The following PARD3 variants were observed in gnomAD, a reference collection of about 807,000 sequenced individuals.
The protein encoded by PARD3 is partitioning defective 3 homolog.
PARD3 carries 75 observed loss-of-function variants against 155.4 expected under a neutral mutation model. That is an observed-to-expected ratio of 0.48 (90% CI 0.40 to 0.58). The LOEUF is 0.58. Among genes scored for constraint, PARD3 ranks in the 20% least tolerant of loss-of-function variants. The probability of loss-of-function intolerance (pLI) is 0.00; values close to 1 mark genes in which losing one functional copy is unlikely to be tolerated. For missense variants in PARD3, 1,642 were observed against 1,721.7 expected (o/e 0.95, Z 0.82); for synonymous variants, 576 against 610.5 (o/e 0.94, Z 0.83).
intron 22 of PARD3, among the ~76,000 whole-genome samples, chr10:34,146,967 G>GT (rs1948540364): frequency 6.6e-6 from 1 of 152,158 alleles, no homozygotes; most frequent in African/African-American, 2.4e-5. Flanking sequence ...GAAGAACCGA[G>GT]TGGTAAGCTG....
At chr10:34,236,670 C>T (rs930143014) in intron 22 of PARD3, among the ~76,000 whole-genome samples, 10 of 152,248 alleles carry the variant, frequency 6.6e-5, no homozygotes, top group Admixed American at 2.0e-4. Context: ...GTACTCAAGA[C>T]GGAAAACGTT....
At chr10:34,528,553 G>GT (rs767034544) in intron 2 of PARD3, among the ~76,000 whole-genome samples, 18 of 152,126 alleles carry the variant, frequency 1.2e-4, no homozygotes, top group Admixed American at 1.3e-4. Context: ...GTTTTGTTTT[G>GT]TTTTTTCCCC....
chr10:34,285,677 G>C (rs569017620), intron 20 of PARD3, among the ~76,000 whole-genome samples: 1 of 152,052 alleles, frequency 6.6e-6, no homozygotes, highest in South Asian at 2.1e-4. Flanking sequence ...TGATAGCATT[G>C]ATTTTTTTAT....
At chr10:34,526,186 C>A (rs1225198579) in intron 2 of PARD3, among the ~76,000 whole-genome samples, 1 of 151,102 alleles carries the variant, frequency 6.6e-6, no homozygotes, top group Non-Finnish European at 1.5e-5. Context: ...GACACACACA[C>A]AGCCTCTCTA....
At chr10:34,311,892 C>T (rs138799344) in intron 20 of PARD3, among the ~76,000 whole-genome samples, 195 of 152,304 alleles carry the variant, frequency 1.3e-3, no homozygotes, top group Non-Finnish European at 2.1e-3. Flanking sequence ...TACCAGCCCA[C>T]ACACCTCTTT....
chr10:34,803,246 T>TAAAC (rs1842994140), intron 1 of PARD3, among the ~76,000 whole-genome samples: 1 of 48,228 alleles, frequency 2.1e-5, no homozygotes, highest in Admixed American at 1.7e-4. Flanking sequence ...CTCAAAAAAA[T>TAAAC]AAATAATAAC....
intron 4 of PARD3, among the ~76,000 whole-genome samples, chr10:34,455,197 C>T (rs766237994): frequency 1.3e-5 from 2 of 151,740 alleles, no homozygotes; most frequent in Non-Finnish European, 2.9e-5. Flanking sequence ...CGTTTCAGTG[C>T]AAAAATCTCA....
At chr10:34,773,262 T>C (rs1327248521) in intron 1 of PARD3, among the ~76,000 whole-genome samples, 1 of 152,224 alleles carries the variant, frequency 6.6e-6, no homozygotes, top group African/African-American at 2.4e-5. Context: ...TTCTCATCAG[T>C]GTTCATTTAA....
At chr10:34,255,770 A>T (rs1954621664) in intron 22 of PARD3, among the ~76,000 whole-genome samples, 1 of 152,236 alleles carries the variant, frequency 6.6e-6, no homozygotes, top group Admixed American at 6.5e-5. Context: ...GTCAACATGA[A>T]ACTAAAGCAG....
At chr10:34,807,005 G>A (rs949484230) in intron 1 of PARD3, among the ~76,000 whole-genome samples, 4 of 152,310 alleles carry the variant, frequency 2.6e-5, no homozygotes, top group South Asian at 2.1e-4. Flanking sequence ...GGTCCATTAC[G>A]TGCATCCTTG....
intron 5 of PARD3, among the ~76,000 whole-genome samples, chr10:34,449,213 G>A (rs919371461): frequency 4.6e-5 from 7 of 151,654 alleles, no homozygotes; most frequent in African/African-American, 1.5e-4. Flanking sequence ...CACCGCACCC[G>A]GCAGATAAAT....
chr10:34,374,943 G>C lies in PARD3; in HGVS notation c.1599C>G (p.Ser533Arg), dbSNP rs1191334978. The C allele has an allele frequency of 1.9e-6, 3 of 1,613,628 alleles. No individual in the cohort carries two copies. The highest frequency in any genetic ancestry group is 1.7e-5 in the Admixed American group (1 of 59,968). The change falls in exon 11 of 25, where the codon AGC (serine) becomes AGG (arginine). Residue 533 changes from serine to arginine, a missense_variant. Coordinates refer to ENST00000374788, the MANE Select transcript of PARD3 (RefSeq NM_001184785.2). ...SQEEVVSLLR[S>R]TKMEGTVSLL... ...GGCTCACAGTTCCTTCCATCTTGGT[G>C]CTTCTCAACAGCGAAACAACTTCCT...
intron 2 of PARD3, among the ~76,000 whole-genome samples, chr10:34,592,409 T>G (rs1400911143): frequency 6.6e-6 from 1 of 152,220 alleles, no homozygotes; most frequent in African/African-American, 2.4e-5. Context: ...AATGTAATAT[T>G]AGAATGCATT....
intron 5 of PARD3, among the ~76,000 whole-genome samples, chr10:34,423,627 G>A (rs2075434898): frequency 1.3e-5 from 2 of 151,906 alleles, no homozygotes; most frequent in South Asian, 2.1e-4. Context: ...AATAATTCTT[G>A]TAATTACTGT....
intron 22 of PARD3, among the ~76,000 whole-genome samples, chr10:34,242,381 A>C (rs1482385388): frequency 6.6e-6 from 1 of 152,082 alleles, no homozygotes; most frequent in Non-Finnish European, 1.5e-5. Context: ...GTCCAAATCC[A>C]TATCACATGT....
chr10:34,530,532 A>G (rs935935576), intron 2 of PARD3, among the ~76,000 whole-genome samples: 6 of 152,098 alleles, frequency 3.9e-5, no homozygotes, highest in African/African-American at 1.4e-4. Flanking sequence ...TTTCTCTGAG[A>G]CTGATATCTT....
At chr10:34,219,092 T>C (rs1395556516) in intron 22 of PARD3, among the ~76,000 whole-genome samples, 3 of 152,202 alleles carry the variant, frequency 2.0e-5, no homozygotes, top group Admixed American at 2.0e-4. Flanking sequence ...ATAGGAATTA[T>C]TAGTTCACTT....
At chr10:34,724,799 G>A (rs2094671332) in intron 1 of PARD3, among the ~76,000 whole-genome samples, 1 of 152,228 alleles carries the variant, frequency 6.6e-6, no homozygotes, top group Admixed American at 6.5e-5. Context: ...CTGCAGGAGA[G>A]CCCTGAACAT....
chr10:34,501,511 A>G (rs571466527), intron 3 of PARD3, among the ~76,000 whole-genome samples: 1 of 152,312 alleles, frequency 6.6e-6, no homozygotes, highest in East Asian at 1.9e-4. Context: ...TAGCAATGTA[A>G]GAATGGGTGA....
Sources: allele counts gnomAD v4.1 joint callset (sites outside exome capture counted in the v4.1 genomes callset), GRCh38; gene constraint gnomAD v4.1.1; transcripts MANE v1.5; gene names NCBI Gene and HGNC (gene_info 2026-07-23, HGNC 2026-07-21).